KANSL1: variants seen among roughly 807,000 people sequenced by gnomAD.
The protein encoded by KANSL1 is KAT8 regulatory NSL complex subunit 1.
KANSL1 carries 22 observed loss-of-function variants against 103.6 expected under a neutral mutation model. The ratio of observed to expected loss-of-function variants is 0.21; its 90% CI spans 0.15 to 0.30. KANSL1 has a LOEUF of 0.30. KANSL1 is among the 10% of genes least tolerant of loss of function. KANSL1 has a pLI of 1.00. For missense variants in KANSL1, 1,337 were observed against 1,399.8 expected (o/e 0.96, Z 0.72); for synonymous variants, 600 against 527.6 (o/e 1.14, Z -1.88).
chr17:46,175,175 G>A (rs2046458811), intron 1 of KANSL1, among the ~76,000 whole-genome samples: 1 of 152,128 alleles, frequency 6.6e-6, no homozygotes, highest in South Asian at 2.1e-4. Flanking sequence ...AGGATGGTAG[G>A]CCCTACAGGA....
intron 1 of KANSL1, among the ~76,000 whole-genome samples, chr17:46,211,151 A>C (rs1001930425): frequency 4.6e-5 from 7 of 151,144 alleles, no homozygotes; most frequent in African/African-American, 1.7e-4. Context: ...TACTTAAAAG[A>C]CTCATGCCTT....
chr17:46,115,356 A>T (rs1167247849), intron 2 of KANSL1, among the ~76,000 whole-genome samples: 6 of 152,060 alleles, frequency 3.9e-5, no homozygotes, highest in Non-Finnish European at 7.4e-5. Flanking sequence ...CACCGTGTCC[A>T]GCCTGTAAAG....
At chr17:46,101,754 C>CAAAAAAAAAAAA (rs372439614) in intron 2 of KANSL1, among the ~76,000 whole-genome samples, 4 of 93,682 alleles carry the variant, frequency 4.3e-5, no homozygotes, top group African/African-American at 9.7e-5. Flanking sequence ...ACTCTGTCTA[C>CAAAAAAAAAAAA]AAAAAAAAAA....
At position 46,177,140 on chromosome 17, in the gene KANSL1, T is replaced by C. The variant is rs184079598; in HGVS notation, c.-89-4908A>G. ...TCCTGTAGGTTACTTAACTATTCTGTTCTTTAAGTCTCCTCATCTACAAGT... is the reference window on the plus strand; with the variant it reads ...TCCTGTAGGTTACTTAACTATTCTGCTCTTTAAGTCTCCTCATCTACAAGT... On this transcript the variant is annotated intron_variant, in intron 1 of 14. Coordinates refer to ENST00000432791, the MANE Select transcript of KANSL1 (RefSeq NM_015443.4). 6.6e-5 allele frequency among the ~76,000 whole-genome samples: 10 copies of C among 152,378 alleles called. No individual in the cohort carries two copies. In the East Asian group the frequency reaches 1.9e-3, roughly 29 times the overall value.
At chr17:46,062,099 A>G (rs1383666211) in intron 6 of KANSL1, among the ~76,000 whole-genome samples, 2 of 67,276 alleles carry the variant, frequency 3.0e-5, no homozygotes, top group African/African-American at 1.2e-4. Flanking sequence ...CTCAAAAAAA[A>G]AAAAAAAAAA....
At chr17:46,090,522 T>A (rs537319470) in intron 3 of KANSL1, among the ~76,000 whole-genome samples, 2 of 152,348 alleles carry the variant, frequency 1.3e-5, no homozygotes, top group East Asian at 3.9e-4. Flanking sequence ...GATGTTGTAT[T>A]TTACAGACCA....
intron 2 of KANSL1, among the ~76,000 whole-genome samples, chr17:46,104,736 C>CAGTT (rs1338023138): frequency 1.3e-5 from 2 of 152,156 alleles, no homozygotes; most frequent in Non-Finnish European, 2.9e-5. Flanking sequence ...AAATGGCTTA[C>CAGTT]AGTTCTTGAC....
At chr17:46,155,199 A>G (rs1156850266) in intron 2 of KANSL1, among the ~76,000 whole-genome samples, 1 of 115,028 alleles carries the variant, frequency 8.7e-6, no homozygotes, top group Non-Finnish European at 1.6e-5. Context: ...GTCTTGCTCT[A>G]TTGCCCAGGC....
chr17:46,173,247 G>T (rs1374639854), intron 1 of KANSL1, among the ~76,000 whole-genome samples: 2 of 152,168 alleles, frequency 1.3e-5, no homozygotes, highest in Non-Finnish European at 2.9e-5. Context: ...CCACTAGTAT[G>T]GTGAGGTTTC....
intron 2 of KANSL1, among the ~76,000 whole-genome samples, chr17:46,145,761 C>G (rs1459296429): frequency 6.6e-6 from 1 of 152,204 alleles, no homozygotes; most frequent in Non-Finnish European, 1.5e-5. Context: ...AGGAGTGACT[C>G]TCTGTCACCC....
chr17:46,135,154 T>A (rs2044063221), intron 2 of KANSL1, among the ~76,000 whole-genome samples: 1 of 146,560 alleles, frequency 6.8e-6, no homozygotes, highest in Non-Finnish European at 1.6e-5. Flanking sequence ...GAGAAATAAC[T>A]TGGGGAAAAA....
At chr17:46,058,693 G>A (rs946563638) in intron 6 of KANSL1, among the ~76,000 whole-genome samples, 1 of 139,308 alleles carries the variant, frequency 7.2e-6, no homozygotes, top group Non-Finnish European at 1.5e-5. Flanking sequence ...CTCACTAATT[G>A]GAAAAGCCAG....
intron 3 of KANSL1, among the ~76,000 whole-genome samples, chr17:46,084,709 A>T (rs1241725383): frequency 1.3e-5 from 2 of 149,190 alleles, no homozygotes; most frequent in Non-Finnish European, 3.0e-5. Context: ...AAAAAAAAAA[A>T]AAAAAAAAAA....
chr17:46,070,930 T>C (rs2078553296), intron 4 of KANSL1, among the ~76,000 whole-genome samples: 2 of 152,190 alleles, frequency 1.3e-5, no homozygotes, highest in South Asian at 4.1e-4. Flanking sequence ...GATAAAATGT[T>C]GCCATTCTCT....
At chr17:46,060,810 T>G (rs1184333116) in intron 6 of KANSL1, among the ~76,000 whole-genome samples, 1 of 152,130 alleles carries the variant, frequency 6.6e-6, no homozygotes, top group East Asian at 1.9e-4. Context: ...GTCATAGCCA[T>G]GAGAGAATGC....
chr17:46,053,247 C>T (rs2077789674), intron 6 of KANSL1, among the ~76,000 whole-genome samples: 1 of 151,716 alleles, frequency 6.6e-6, no homozygotes, highest in Admixed American at 6.6e-5. Context: ...TGCACCACTG[C>T]ACTCCAGCCT....
intron 6 of KANSL1, among the ~76,000 whole-genome samples, chr17:46,057,357 AAAC>A (rs2077970413): frequency 6.6e-6 from 1 of 152,324 alleles, no homozygotes; most frequent in African/African-American, 2.4e-5. Flanking sequence ...AAATAAAAAA[AAAC>A]AACAAATCAT....
chr17:46,038,197 T>G, intron 10 of KANSL1: 2 of 241,398 alleles, frequency 8.3e-6, no homozygotes, highest in Non-Finnish European at 8.0e-6. Flanking sequence ...GCCAACAGGA[T>G]TAGGGCCACG....
At chr17:46,169,010 T>C (rs916274019) in intron 2 of KANSL1, among the ~76,000 whole-genome samples, 1 of 152,374 alleles carries the variant, frequency 6.6e-6, no homozygotes. Flanking sequence ...TCAGAAATGT[T>C]TTCAATGCAA....
Sources: allele counts gnomAD v4.1 joint callset (sites outside exome capture counted in the v4.1 genomes callset), GRCh38; gene constraint gnomAD v4.1.1; transcripts MANE v1.5; gene names NCBI Gene and HGNC (gene_info 2026-07-23, HGNC 2026-07-21).